The following ERC1 variants were observed in gnomAD, a reference collection of about 807,000 sequenced individuals.
ERC1 encodes ELKS/RAB6-interacting/CAST family member 1, also known as RAB6 interacting protein 2.
ERC1 carries 56 observed loss-of-function variants against 132.0 expected under a neutral mutation model. The observed-to-expected ratio is 0.42, with a 90% CI of 0.34 to 0.53. The LOEUF (loss-of-function observed/expected upper bound fraction) is 0.53. Among genes scored for constraint, ERC1 ranks in the 20% least tolerant of loss-of-function variants. ERC1 has a pLI of 0.03. For synonymous variants in ERC1, 478 were observed against 476.1 expected (o/e 1.00, Z -0.05); for missense variants, 1,202 against 1,349.9 (o/e 0.89, Z 1.72).
At position 1,289,738 on chromosome 12, in the gene ERC1, A is replaced by G. The variant is rs2079304682; in HGVS notation, c.2620-114A>G. 3.6e-5 allele frequency: 26 copies of G among 722,126 alleles called. No homozygotes were observed. In the South Asian group the frequency reaches 4.6e-4, roughly 13 times the overall value. 44.7% of individuals were successfully genotyped at this position (722,126 alleles called of 1,614,324 possible). A position where few individuals can be genotyped will look rare whatever the true frequency, so the allele number is the denominator to read the frequency against. Reference sequence around the variant, plus strand: ...GATCCAGAAAGAGTACAGAATTTTCAATGTGTTCCTGCGTCTCTTCAATTT... The same window carrying G: ...GATCCAGAAAGAGTACAGAATTTTCGATGTGTTCCTGCGTCTCTTCAATTT... On this transcript the variant is annotated intron_variant, in intron 14 of 18. Coordinates refer to ENST00000360905, the MANE Select transcript of ERC1 (RefSeq NM_178040.4).
intron 18 of ERC1, among the ~76,000 whole-genome samples, chr12:1,484,177 C>T (rs2094157096): frequency 6.6e-6 from 1 of 151,996 alleles, no homozygotes; most frequent in Middle Eastern, 3.4e-3. Flanking sequence ...TGGTAGCGGG[C>T]ACCTGTAGTC....
chr12:1,464,092 C>T (rs757087534), intron 18 of ERC1, among the ~76,000 whole-genome samples: 6 of 152,222 alleles, frequency 3.9e-5, no homozygotes, highest in African/African-American at 7.2e-5. Flanking sequence ...AACTCTTTTA[C>T]GCAGTTGCAA....
intron 2 of ERC1, among the ~76,000 whole-genome samples, chr12:1,048,791 A>G (rs1311217296): frequency 3.9e-5 from 6 of 152,234 alleles, no homozygotes; most frequent in Non-Finnish European, 8.8e-5. Context: ...GAGTAGCTCT[A>G]ATTGCACTAG....
At chr12:1,414,846 G>A (rs2154396985) in intron 17 of ERC1, among the ~76,000 whole-genome samples, 1 of 151,908 alleles carries the variant, frequency 6.6e-6, no homozygotes, top group East Asian at 1.9e-4. Context: ...AAATATATAT[G>A]TGTGTGTGTG....
chr12:1,216,513 C>G (rs1029040502), intron 12 of ERC1, among the ~76,000 whole-genome samples: 3 of 151,094 alleles, frequency 2.0e-5, no homozygotes, highest in Non-Finnish European at 2.9e-5. Flanking sequence ...GCATATTATT[C>G]CTGCATATGC....
intron 15 of ERC1, among the ~76,000 whole-genome samples, chr12:1,319,309 C>A (rs908936351): frequency 6.6e-6 from 1 of 152,012 alleles, no homozygotes; most frequent in African/African-American, 2.4e-5. Context: ...TTTTTATATT[C>A]GCTTTAAGGA....
intron 15 of ERC1, among the ~76,000 whole-genome samples, chr12:1,314,244 A>T (rs538179529): frequency 6.6e-6 from 1 of 152,322 alleles, no homozygotes; most frequent in East Asian, 1.9e-4. Flanking sequence ...AACATTGATC[A>T]TAATAGAAAA....
chr12:1,261,072 G>A (rs1477968538), intron 13 of ERC1, among the ~76,000 whole-genome samples: 1 of 152,144 alleles, frequency 6.6e-6, no homozygotes, highest in Non-Finnish European at 1.5e-5. Flanking sequence ...TCTCTGCATT[G>A]TGACAGATTA....
chr12:1,019,417 G>C (rs1450992218), intron 1 of ERC1, among the ~76,000 whole-genome samples: 1 of 152,186 alleles, frequency 6.6e-6, no homozygotes, highest in Non-Finnish European at 1.5e-5. Flanking sequence ...GAGCCACCGT[G>C]CCCAGCCAAG....
intron 17 of ERC1, among the ~76,000 whole-genome samples, chr12:1,410,956 T>C (rs1483225867): frequency 6.6e-6 from 1 of 152,140 alleles, no homozygotes; most frequent in African/African-American, 2.4e-5. Context: ...TTTGTTTGTT[T>C]CTGTAGAAGA....
chr12:1,453,121 G>A (rs1052450668), intron 18 of ERC1, among the ~76,000 whole-genome samples: 2 of 152,162 alleles, frequency 1.3e-5, no homozygotes, highest in Non-Finnish European at 2.9e-5. Context: ...TCGGGCAGGA[G>A]TGGCTTCTTC....
chr12:1,179,786 C>T (rs536343805), intron 8 of ERC1, among the ~76,000 whole-genome samples: 4 of 152,258 alleles, frequency 2.6e-5, no homozygotes, highest in South Asian at 4.1e-4. Flanking sequence ...GGATTACAGG[C>T]GTGAGCCACC....
chr12:1,398,274 G>A (rs560641939), intron 16 of ERC1, among the ~76,000 whole-genome samples: 34 of 152,074 alleles, frequency 2.2e-4, no homozygotes, highest in Non-Finnish European at 3.2e-4. Flanking sequence ...GTGAGCCACC[G>A]TGCCCAGCCC....
At chr12:1,213,216 T>C (rs894929619) in intron 12 of ERC1, among the ~76,000 whole-genome samples, 1 of 152,208 alleles carries the variant, frequency 6.6e-6, no homozygotes, top group Non-Finnish European at 1.5e-5. Flanking sequence ...TTTTGACTAT[T>C]CACATAAAGA....
chr12:1,250,511 T>C (rs2076407582), intron 13 of ERC1, among the ~76,000 whole-genome samples: 1 of 152,228 alleles, frequency 6.6e-6, no homozygotes, highest in South Asian at 2.1e-4. Context: ...CTGTTTTGCA[T>C]AGGTTCATTA....
chr12:1,195,531 G>GA (rs1956137772), intron 12 of ERC1, among the ~76,000 whole-genome samples: 1 of 152,118 alleles, frequency 6.6e-6, no homozygotes, highest in Non-Finnish European at 1.5e-5. Context: ...TGATTGGAAG[G>GA]AAAAACCACA....
intron 15 of ERC1, among the ~76,000 whole-genome samples, chr12:1,326,102 A>G (rs1398428380): frequency 6.6e-6 from 1 of 152,138 alleles, no homozygotes; most frequent in Non-Finnish European, 1.5e-5. Context: ...ATTTCTTTTT[A>G]TGAAAGAATG....
intron 12 of ERC1, among the ~76,000 whole-genome samples, chr12:1,191,263 A>G (rs1053980208): frequency 6.6e-6 from 1 of 152,056 alleles, no homozygotes; most frequent in Non-Finnish European, 1.5e-5. Context: ...TACATTTTTT[A>G]TGTCTTCATT....
intron 1 of ERC1, among the ~76,000 whole-genome samples, chr12:1,000,956 A>G (rs1376191030): frequency 6.6e-6 from 1 of 152,066 alleles, no homozygotes; most frequent in African/African-American, 2.4e-5. Flanking sequence ...TTTTGCCCAG[A>G]CTGGAGTGCA....
Sources: gnomAD v4.1 joint callset for allele counts (sites outside exome capture counted in the v4.1 genomes callset) on GRCh38, gnomAD v4.1.1 for gene constraint, MANE v1.5 for transcripts, NCBI Gene and HGNC (gene_info 2026-07-23, HGNC 2026-07-21) for gene names.